The following ZNF33A variants were observed in gnomAD, a reference collection of about 807,000 sequenced individuals.
The protein encoded by ZNF33A is brain my041 protein.
ZNF33A carries 9 observed loss-of-function variants against 15.9 expected under a neutral mutation model. The observed-to-expected ratio is 0.57, with a 90% CI of 0.34 to 0.99. The LOEUF is 0.99. Among genes scored for constraint, ZNF33A ranks in the 50% least tolerant of loss-of-function variants. The pLI, the probability that ZNF33A is intolerant of heterozygous loss-of-function variation, is 0.02. For synonymous variants in ZNF33A, 294 were observed against 324.2 expected (o/e 0.91, Z 1.00); for missense variants, 843 against 941.6 (o/e 0.90, Z 1.37).
chr10:38,030,955 G>C (rs962742127), intron 4 of ZNF33A, among the ~76,000 whole-genome samples: 2 of 152,126 alleles, frequency 1.3e-5, no homozygotes, highest in Non-Finnish European at 2.9e-5. Context: ...GAACTGATTC[G>C]TGGTTGCCAG....
chr10:38,010,669 G>T (rs367655002), upstream of ZNF33A: 1,441 of 1,582,924 alleles, frequency 9.1e-4, 3 homozygotes, highest in Non-Finnish European at 1.1e-3. Context: ...CGCCGGCTAC[G>T]TCTGCGTTTC....
Position 38,025,657 on chromosome 10 carries a change from G to A in ZNF33A, c.250+8271G>A, listed in dbSNP as rs146030408. 5.3e-3 allele frequency among the ~76,000 whole-genome samples: 813 copies of A among 152,374 alleles called. 6 individuals are homozygous for A. Among genetic ancestry groups the A allele is most frequent in the Middle Eastern group, 0.01 (3 of 294 alleles). On this transcript the variant is annotated intron_variant, in intron 4 of 4. Transcript: ENST00000432900. ...AAACTTCTGTTGTTTAAGCCACACA[G>A]TCTGTGGTATTTTGTTATGGCAGCC...
intron 3 of ZNF33A, 128 bp downstream of exon 3, chr10:38,017,143 C>G: frequency 1.4e-6 from 2 of 1,418,240 alleles, no homozygotes; most frequent in South Asian, 1.3e-5. Flanking sequence ...TGATTGATCA[C>G]CTCTGAGTAC....
At chr10:38,033,500 C>T (rs537188362) in intron 4 of ZNF33A, among the ~76,000 whole-genome samples, 198 of 152,216 alleles carry the variant, frequency 1.3e-3, no homozygotes, top group Non-Finnish European at 2.4e-3. Flanking sequence ...TATATGGTGA[C>T]TCTGTGTTTA....
At chr10:38,049,473 G>A (rs1253423975) in intron 4 of ZNF33A, among the ~76,000 whole-genome samples, 10 of 151,934 alleles carry the variant, frequency 6.6e-5, no homozygotes, top group South Asian at 6.2e-4. Context: ...TATTATGTGC[G>A]TATATATCTA....
At chr10:38,010,891 A>C (rs1249774976) in intron 1 of ZNF33A, 108 bp downstream of exon 1, 3 of 1,385,242 alleles carry the variant, frequency 2.2e-6, no homozygotes, top group Non-Finnish European at 3.0e-6. Context: ...CGGGGACCTC[A>C]TAGGGGAAGG....
intron 4 of ZNF33A, among the ~76,000 whole-genome samples, chr10:38,018,894 GC>G (rs1238636297): frequency 3.3e-5 from 5 of 151,672 alleles, no homozygotes; most frequent in African/African-American, 4.8e-5. Flanking sequence ...TAAGTCCATG[GC>G]AAACTCACAC....
chr10:38,036,540 C>G (rs1018516314), intron 4 of ZNF33A, among the ~76,000 whole-genome samples: 17 of 152,194 alleles, frequency 1.1e-4, no homozygotes, highest in African/African-American at 4.1e-4. Context: ...TTGATAAAAT[C>G]CAACACCCAT....
rs774324429 is a variant in ZNF33A, at chr10:38,010,744, G to T, written c.-84G>T. On this transcript the variant is annotated 5_prime_UTR_variant, in exon 1 of 5. Coordinates refer to ENST00000432900, the MANE Select transcript of ZNF33A (RefSeq NM_006954.2). The stretch of plus-strand genomic sequence containing the variant: ...CGGTCCCGGGATTTCAAGGGTCTAC[G>T]CGCTTTTCTATGGCGAATGCAACCC... 22 of 1,598,306 alleles carry T rather than the reference G, an allele frequency of 1.4e-5. No individual in the cohort carries two copies. The highest frequency in any genetic ancestry group is 8.5e-7 in the Non-Finnish European group (1 of 1,179,820).
At chr10:38,031,571 A>G (rs1168269801) in intron 4 of ZNF33A, among the ~76,000 whole-genome samples, 1 of 148,700 alleles carries the variant, frequency 6.7e-6, no homozygotes, top group Admixed American at 6.7e-5. Flanking sequence ...CCTTGCCTCA[A>G]AAAAAAAAAA....
intron 4 of ZNF33A, among the ~76,000 whole-genome samples, chr10:38,024,360 T>C (rs909861889): frequency 3.3e-5 from 5 of 152,130 alleles, no homozygotes; most frequent in Non-Finnish European, 7.4e-5. Context: ...GAACAAAATA[T>C]GTATAGGACT....
chr10:38,011,310 C>T (rs1179764674), intron 1 of ZNF33A, among the ~76,000 whole-genome samples: 1 of 152,172 alleles, frequency 6.6e-6, no homozygotes. Flanking sequence ...TTTGGCCTGG[C>T]GCGGTGGCTC....
upstream of ZNF33A, chr10:38,010,593 A>G: frequency 2.0e-6 from 2 of 1,000,580 alleles, no homozygotes; most frequent in East Asian, 2.4e-5. Flanking sequence ...CTCACGGGAA[A>G]GGTAGTTTCC....
chr10:38,060,166 T>TTA (rs1468931824), downstream of ZNF33A: 11 of 829,830 alleles, frequency 1.3e-5, no homozygotes, highest in Non-Finnish European at 1.6e-5. Context: ...TTGTACATCC[T>TTA]TAATATATTT....
chr10:38,061,615 T>C (rs2066654433), downstream of ZNF33A, among the ~76,000 whole-genome samples: 1 of 152,074 alleles, frequency 6.6e-6, no homozygotes, highest in Non-Finnish European at 1.5e-5. Flanking sequence ...ACATCCAATA[T>C]GCTTTGAGTG....
Position 38,058,585 on chromosome 10 carries a change from C to T in ZNF33A, c.*2025C>T, listed in dbSNP as rs951130668. The T allele has an allele frequency of 1.3e-5, 2 of 152,206 alleles. No homozygotes were observed. Among genetic ancestry groups the T allele is most frequent in the South Asian group, 2.1e-4 (1 of 4,826 alleles). 9.4% of individuals were successfully genotyped at this position (152,206 alleles called of 1,614,324 possible). A position where few individuals can be genotyped will look rare whatever the true frequency, so the allele number is the denominator to read the frequency against. On this transcript the variant is annotated 3_prime_UTR_variant, in exon 5 of 5. Transcript: ENST00000432900. ...AGGAGTTCGAGACCAGCCTGGTCAA[C>T]ATGGTGAAACCCCCTATCTACTAAA...
chr10:38,052,036 A>G (rs2066233077), intron 4 of ZNF33A, among the ~76,000 whole-genome samples: 1 of 152,170 alleles, frequency 6.6e-6, no homozygotes, highest in Non-Finnish European at 1.5e-5. Context: ...ATAATTGTGA[A>G]CAACGGAATG....
intron 4 of ZNF33A, among the ~76,000 whole-genome samples, chr10:38,023,673 G>A (rs1186002562): frequency 6.6e-6 from 1 of 152,150 alleles, no homozygotes; most frequent in African/African-American, 2.4e-5. Flanking sequence ...TAAGATGAAT[G>A]CTTTCCCTGT....
chr10:38,028,649 G>C (rs1013096328), intron 4 of ZNF33A, among the ~76,000 whole-genome samples: 3 of 152,040 alleles, frequency 2.0e-5, no homozygotes, highest in Admixed American at 1.3e-4. Context: ...TGTGTCTTTA[G>C]TAGAGATGGA....
Sources: gnomAD v4.1 joint callset for allele counts (sites outside exome capture counted in the v4.1 genomes callset) on GRCh38, gnomAD v4.1.1 for gene constraint, MANE v1.5 for transcripts, NCBI Gene and HGNC (gene_info 2026-07-23, HGNC 2026-07-21) for gene names.